The following NBR1 variants were observed in gnomAD, a reference collection of about 807,000 sequenced individuals.
NBR1 encodes the protein NBR1 autophagy cargo receptor.
Under a neutral mutation model 115.5 loss-of-function variants are expected in NBR1, and 59 were observed. That is an observed-to-expected ratio of 0.51 (90% CI 0.41 to 0.63). The LOEUF (loss-of-function observed/expected upper bound fraction) is 0.63. Among genes scored for constraint, NBR1 ranks in the 30% least tolerant of loss-of-function variants. The pLI, the probability that NBR1 is intolerant of heterozygous loss-of-function variation, is 0.00. For synonymous variants in NBR1, 373 were observed against 414.7 expected, an observed-to-expected ratio of 0.90 and a Z score of 1.22; for missense variants, 1,043 against 1,150.5, an observed-to-expected ratio of 0.91 and a Z score of 1.35.
upstream of NBR1, chr17:43,171,063 T>C (rs1013332869): frequency 2.0e-5 from 3 of 152,584 alleles, no homozygotes; most frequent in Admixed American, 6.5e-5. Flanking sequence ...GTTATTGTTG[T>C]TCGGGTTCAG....
intron 6 of NBR1, among the ~76,000 whole-genome samples, chr17:43,186,804 A>G (rs2056814625): frequency 6.6e-6 from 1 of 152,186 alleles, no homozygotes; most frequent in Non-Finnish European, 1.5e-5. Flanking sequence ...TTTGCTAAGA[A>G]TGATGGTTTC....
intron 1 of NBR1, among the ~76,000 whole-genome samples, chr17:43,174,410 T>A (rs1341553704): frequency 6.6e-6 from 1 of 151,720 alleles, no homozygotes; most frequent in African/African-American, 2.4e-5. Context: ...ATCCTGGCTA[T>A]CACGGTGAAA....
In NBR1 at chr17:43,192,493, C is replaced by T. The variant is rs145147252; in HGVS notation, c.1074-601C>T. On this transcript the variant is annotated intron_variant, in intron 10 of 20. Coordinates refer to ENST00000590996, the MANE Select transcript of NBR1 (RefSeq NM_005899.5). ...ACGCCATTCTCCTGCCTCAGCCTCC[C>T]GAGTAACTGGGACTACAGGTGCCCG... Among the ~76,000 whole-genome samples the T allele has an allele frequency of 2.2e-3, 333 of 151,890 alleles. 7 individuals are homozygous for T. The East Asian group carries it at 0.04, about 18-fold the overall frequency.
In NBR1 at chr17:43,204,813, T is replaced by TAAAA. The variant is rs1214948352; in HGVS notation, c.2727+1042_2727+1045dup. 1.7e-4 allele frequency among the ~76,000 whole-genome samples: 21 copies of TAAAA among 122,244 alleles called. No individual in the cohort carries two copies. The East Asian group carries it at 3.6e-3, about 21-fold the overall frequency. 80.2% of individuals were successfully genotyped at this position (122,244 alleles called of 152,430 possible). ...CTGGCGACAGAACAAGACTCCATCT[T>TAAAA]AAAAAAAAAAAAAAAAAAGTATGAT... On this transcript the variant is annotated intron_variant, in intron 20 of 20. Coordinates refer to ENST00000590996, the MANE Select transcript of NBR1 (RefSeq NM_005899.5).
chr17:43,201,994 A>G (rs35017602), intron 18 of NBR1, among the ~76,000 whole-genome samples: 55,268 of 151,638 alleles, frequency 0.36, 10,269 homozygotes, highest in South Asian at 0.49. Context: ...CCTGGCCAAC[A>G]TAGTGAAACC....
rs974800773 is a variant in NBR1, at chr17:43,191,486, T to C, written c.978T>C (p.His326=). The change falls in exon 10 of 21, where the codon CAT becomes CAC. Residue 326 remains histidine, a synonymous_variant. Coordinates refer to ENST00000590996, the MANE Select transcript of NBR1 (RefSeq NM_005899.5). ...VKELKKQLKL[H]RKIHLWNSIH... ...AACTTAAAAAGCAGCTTAAACTCCA[T>C]AGGAAAATTCACCTGTGGAATTCAA... 6 of 1,612,834 alleles carry C rather than the reference T, an allele frequency of 3.7e-6. No individual in the cohort carries two copies. The African/African-American group carries it at 8.0e-5, about 22-fold the overall frequency.
chr17:43,177,949 T>G lies in NBR1; in HGVS notation c.116T>G (p.Phe39Cys). The G allele has an allele frequency of 6.5e-7, 1 of 1,546,368 alleles. No individual in the cohort carries two copies. The highest frequency in any genetic ancestry group is 8.8e-7 in the Non-Finnish European group (1 of 1,131,050). Residue 39 changes from phenylalanine to cysteine, a missense_variant, in exon 3 of 21, where the codon TTT (phenylalanine) becomes TGT (cysteine). Phe to Cys is a radical substitution (Grantham distance 205, BLOSUM62 -2). Coordinates refer to ENST00000590996, the MANE Select transcript of NBR1 (RefSeq NM_005899.5). ...TCTCTTTTATAGGTAAAAGTTTCAT[T>G]TGATCTGAATACTATTCAAATAAAA... ...ADIEAMVKVS[F>C]DLNTIQIKYL...
At chr17:43,206,641 C>A (rs1464659586) in intron 20 of NBR1, among the ~76,000 whole-genome samples, 1 of 147,324 alleles carries the variant, frequency 6.8e-6, no homozygotes, top group Admixed American at 6.8e-5. Flanking sequence ...GGTGACAGAG[C>A]GAGACTCCGT....
At position 43,193,365 on chromosome 17, in the gene NBR1, A is replaced by G. The variant is rs1300121014; in HGVS notation, c.1251A>G (p.Gly417=). The change falls in exon 12 of 21, where the codon GGA becomes GGG. Residue 417 remains glycine (G), a synonymous_variant. Transcript: ENST00000590996. The stretch of plus-strand genomic sequence containing the variant: ...CTTTTCAGCTCAAGTTCATGTGGGG[A>G]AACCTGACTTTGGCTTCCACAGAAA... The part of the protein sequence containing the change: ...SADTKLKFMW[G]NLTLASTEKK... The G allele has an allele frequency of 1.2e-6, 2 of 1,613,770 alleles. No individual in the cohort carries two copies. The highest frequency in any genetic ancestry group is 2.7e-5 in the African/African-American group (2 of 74,914).
At position 43,205,353 on chromosome 17, in the gene NBR1, C is replaced by CA. The variant is rs1261631886; in HGVS notation, c.2727+1575dup. ...TGGGCAACAGAGTGAGACTCCATCT[C>CA]AAAAAAAAGAAAGATACTATGCCAG... On this transcript the variant is annotated intron_variant, in intron 20 of 20. Transcript: ENST00000590996. Among the ~76,000 whole-genome samples, 5 of 151,430 alleles carry CA rather than the reference C, an allele frequency of 3.3e-5. 1 individual carries two copies. Among genetic ancestry groups the CA allele is most frequent in the Non-Finnish European group, 7.4e-5 (5 of 67,836 alleles).
At position 43,193,515 on chromosome 17, in the gene NBR1, A is replaced by G; in HGVS notation, c.1401A>G (p.Gln467=). Residue 467 remains glutamine (Q), a synonymous_variant, in exon 12 of 21, where the codon CAA becomes CAG. Coordinates refer to ENST00000590996, the MANE Select transcript of NBR1 (RefSeq NM_005899.5). ...GGCGTCTTTCTCACAAAGGCCAGCA[A>G]TTTGGGCCTCGGGTCTGGTGCAGTA... ...SHWRLSHKGQ[Q]FGPRVWCSII... 1 of 1,613,722 alleles carries G rather than the reference A, an allele frequency of 6.2e-7. No homozygotes were observed. Among genetic ancestry groups the G allele is most frequent in the Non-Finnish European group, 8.5e-7 (1 of 1,179,792 alleles).
chr17:43,194,524 G>T, intron 13 of NBR1, 25 bp downstream of exon 13: 1 of 1,613,102 alleles, frequency 6.2e-7, no homozygotes, highest in Non-Finnish European at 8.5e-7. Context: ...ACTTTGAAGG[G>T]CAAGGGACAG....
intron 15 of NBR1, 122 bp from the exon 16 acceptor site, chr17:43,196,820 C>G (rs1300768623): frequency 1.8e-5 from 20 of 1,134,118 alleles, no homozygotes; most frequent in Middle Eastern, 4.2e-4. Context: ...CTTTAAACAC[C>G]AAGTGCAGAC....
chr17:43,186,325 C>T lies in NBR1; in HGVS notation c.283C>T (p.Pro95Ser). 6.3e-7 allele frequency: 1 copy of T among 1,593,972 alleles called. No individual in the cohort carries two copies. The highest frequency in any genetic ancestry group is 1.3e-5 in the African/African-American group (1 of 74,614). Residue 95 changes from proline (P) to serine (S), a missense_variant, in exon 6 of 21, where the codon CCA becomes TCA. Coordinates refer to ENST00000590996, the MANE Select transcript of NBR1 (RefSeq NM_005899.5). ...GHHVVDEAPPPVVGAKRLAAR... is the reference protein window; with the variant it reads ...GHHVVDEAPPSVVGAKRLAAR... ...CCATGTCGTTGATGAAGCCCCACCCCCAGTTGTAGGAGCAAAACGACTAGC... is the reference window on the plus strand; with the variant it reads ...CCATGTCGTTGATGAAGCCCCACCCTCAGTTGTAGGAGCAAAACGACTAGC...
intron 15 of NBR1, 66 bp downstream of exon 15, chr17:43,196,657 C>A: frequency 8.4e-7 from 1 of 1,192,706 alleles, no homozygotes; most frequent in Non-Finnish European, 1.2e-6. Context: ...TATTTTACAG[C>A]TATCCCCTAC....
At position 43,209,979 on chromosome 17, in the gene NBR1, C is replaced by T; in HGVS notation, c.2806C>T (p.Leu936=). ...EMGFCDRQLN[L]RLLKKHNYNI... ...GGGATTCTGTGACAGGCAGCTGAAC[C>T]TACGGCTGCTGAAGAAACACAATTA... is the stretch of plus-strand genomic sequence containing the variant. The change falls in exon 21 of 21, where the codon CTA becomes TTA. Residue 936 remains leucine, a synonymous_variant. Coordinates refer to ENST00000590996, the MANE Select transcript of NBR1 (RefSeq NM_005899.5). 1 of 1,612,614 alleles carries T rather than the reference C, an allele frequency of 6.2e-7. No individual in the cohort carries two copies. Among genetic ancestry groups the T allele is most frequent in the East Asian group, 2.2e-5 (1 of 44,842 alleles).
chr17:43,182,000 C>A (rs1308797660), intron 5 of NBR1, among the ~76,000 whole-genome samples: 2 of 151,368 alleles, frequency 1.3e-5, no homozygotes, highest in Middle Eastern at 3.4e-3. Context: ...CAAAAAAAAC[C>A]CAAAAAACTC....
At position 43,194,987 on chromosome 17, in the gene NBR1, G is replaced by A. The variant is rs1190876939; in HGVS notation, c.1698G>A (p.Leu566=). The A allele has an allele frequency of 6.2e-6, 10 of 1,613,550 alleles. No homozygotes were observed. The highest frequency in any genetic ancestry group is 7.6e-6 in the Non-Finnish European group (9 of 1,179,776). ...TAQDLLSFEL[L]DINIVQELER... ...AGGACCTGCTGTCCTTTGAGCTGTT[G>A]GATATAAACATTGTTCAAGAGTTGG... is the stretch of plus-strand genomic sequence containing the variant. Residue 566 remains leucine (L), a synonymous_variant, in exon 14 of 21, where the codon TTG becomes TTA. Transcript: ENST00000590996.
intron 1 of NBR1, among the ~76,000 whole-genome samples, chr17:43,175,563 C>G (rs2056491299): frequency 6.6e-6 from 1 of 152,150 alleles, no homozygotes; most frequent in Non-Finnish European, 1.5e-5. Context: ...AAGTACAAGT[C>G]TTTATGGCAT....
Sources: gnomAD v4.1 joint callset for allele counts (sites outside exome capture counted in the v4.1 genomes callset) on GRCh38, gnomAD v4.1.1 for gene constraint, MANE v1.5 for transcripts, NCBI Gene and HGNC (gene_info 2026-07-23, HGNC 2026-07-21) for gene names.